Variants in DDX60 observed in about 807,000 individuals in gnomAD.
DDX60 encodes the protein DExD/H-box helicase 60.
Under a neutral mutation model 212.8 loss-of-function variants are expected in DDX60, and 165 were observed. The ratio of observed to expected loss-of-function variants is 0.78; its 90% CI spans 0.68 to 0.88. The LOEUF is 0.88. Among genes scored for constraint, DDX60 ranks in the 40% least tolerant of loss-of-function variants. DDX60 has a pLI of 0.00. For missense variants in DDX60, 1,905 were observed against 2,003.9 expected (o/e 0.95, Z 0.94); for synonymous variants, 703 against 685.3 (o/e 1.03, Z -0.40).
chr4:168,246,557 A>G lies in DDX60; in HGVS notation c.4025T>C (p.Ile1342Thr). Residue 1342 changes from isoleucine (I) to threonine (T), a missense_variant, in exon 30 of 38, where the codon ATT (isoleucine) becomes ACT (threonine). Physicochemically the swap from Ile to Thr is moderately conservative, Grantham distance 89 (BLOSUM62 -1). Coordinates refer to ENST00000393743, the MANE Select transcript of DDX60 (RefSeq NM_017631.6). The part of the protein sequence containing the change: ...DLMGDVYFFD[I>T]PFPKIGKLIK... ...GAGTTTTCCTATTTTGGGGAATGGA[A>G]TATCAAAGAAATATACATCTCCCAT... is the stretch of plus-strand genomic sequence containing the variant. 1 of 1,614,098 alleles carries G rather than the reference A, an allele frequency of 6.2e-7. No individual in the cohort carries two copies. The highest frequency in any genetic ancestry group is 8.5e-7 in the Non-Finnish European group (1 of 1,179,982).
chr4:168,286,418 C>A (rs1053577494), intron 10 of DDX60, among the ~76,000 whole-genome samples: 2 of 57,800 alleles, frequency 3.5e-5, no homozygotes, highest in African/African-American at 2.6e-4. Flanking sequence ...ACACACACAC[C>A]ACACGAGATA....
At chr4:168,295,378 A>G (rs778144388) in intron 6 of DDX60, among the ~76,000 whole-genome samples, 2 of 152,214 alleles carry the variant, frequency 1.3e-5, no homozygotes, top group Non-Finnish European at 2.9e-5. Flanking sequence ...GTTTAGGAGT[A>G]TGTTCTTGTA....
In DDX60 at chr4:168,216,683, A is replaced by T; in HGVS notation, c.*250T>A. 1 of 296,750 alleles carries T rather than the reference A, an allele frequency of 3.4e-6. No homozygotes were observed. The allele number at this position is 296,750 out of a possible 1,614,324, so 18.4% of individuals were successfully genotyped here. On this transcript the variant is annotated 3_prime_UTR_variant, in exon 38 of 38. Coordinates refer to ENST00000393743, the MANE Select transcript of DDX60 (RefSeq NM_017631.6). Reference sequence around the variant, plus strand: ...TCAATCCTCAAACTACCTGAGATGTAACCATTATTACTCAGTTATAAAAAG... The same window carrying T: ...TCAATCCTCAAACTACCTGAGATGTTACCATTATTACTCAGTTATAAAAAG...
chr4:168,257,758 A>T (rs927609892), intron 25 of DDX60, among the ~76,000 whole-genome samples: 19 of 152,248 alleles, frequency 1.2e-4, no homozygotes, highest in African/African-American at 3.4e-4. Context: ...TGTTGACTAT[A>T]TTTGGAATTA....
At chr4:168,275,846 A>G (rs1177774648) in intron 15 of DDX60, among the ~76,000 whole-genome samples, 169 bp downstream of exon 15, 2 of 152,078 alleles carry the variant, frequency 1.3e-5, no homozygotes, top group African/African-American at 2.4e-5. Context: ...CATTTGTACA[A>G]ATTTTCTCAT....
chr4:168,237,865 A>C (rs1371428057), intron 30 of DDX60, 70 bp from the exon 31 acceptor site: 8 of 1,152,726 alleles, frequency 6.9e-6, no homozygotes, highest in Non-Finnish European at 7.4e-6. Flanking sequence ...AATGATAATA[A>C]ATGATAGATC....
intron 32 of DDX60, 62 bp from the exon 33 acceptor site, chr4:168,236,435 TA>T (rs1733634461): frequency 2.2e-6 from 3 of 1,395,200 alleles, no homozygotes; most frequent in African/African-American, 3.0e-5. Flanking sequence ...TTTTCATGTT[TA>T]AATGGAATGT....
chr4:168,266,894 A>T (rs1403759690), intron 22 of DDX60, among the ~76,000 whole-genome samples: 1 of 152,176 alleles, frequency 6.6e-6, no homozygotes, highest in East Asian at 1.9e-4. Flanking sequence ...CATCACAACA[A>T]TCTTATGATG....
intron 30 of DDX60, 125 bp from the exon 31 acceptor site, chr4:168,237,920 A>T (rs1049713078): frequency 7.1e-5 from 46 of 647,034 alleles, no homozygotes; most frequent in Non-Finnish European, 1.1e-4. Flanking sequence ...ATCAGAAAAA[A>T]TTTGATTTCA....
intron 24 of DDX60, 146 bp downstream of exon 24, chr4:168,261,854 C>T (rs1734635959): frequency 2.2e-6 from 2 of 928,284 alleles, no homozygotes; most frequent in Admixed American, 7.0e-5. Context: ...TTTATTCTAT[C>T]TCAGAATTAC....
At chr4:168,240,282 T>C (rs1733792960) in intron 30 of DDX60, among the ~76,000 whole-genome samples, 1 of 152,080 alleles carries the variant, frequency 6.6e-6, no homozygotes, top group African/African-American at 2.4e-5. Flanking sequence ...AAGGACCTTT[T>C]CAAGGAGAAC....
chr4:168,286,389 TACACACACACACAC>T (rs71867661), intron 10 of DDX60, among the ~76,000 whole-genome samples: 1 of 133,662 alleles, frequency 7.5e-6, no homozygotes, highest in Non-Finnish European at 1.6e-5. Flanking sequence ...CTTGATTTTA[TACACACACACACAC>T]ACACACACAC....
chr4:168,311,423 C>G, intron 1 of DDX60, 58 bp from the exon 2 acceptor site: 4 of 650,774 alleles, frequency 6.1e-6, no homozygotes, highest in East Asian at 5.5e-5. Context: ...TGAATGACTA[C>G]TATATGTAAA....
intron 1 of DDX60, among the ~76,000 whole-genome samples, chr4:168,312,285 T>C (rs1456683375): frequency 6.6e-6 from 1 of 152,134 alleles, no homozygotes; most frequent in Non-Finnish European, 1.5e-5. Context: ...CCACCTGAAT[T>C]TGACTTGCTT....
intron 6 of DDX60, among the ~76,000 whole-genome samples, 193 bp from the exon 7 acceptor site, chr4:168,294,138 G>A (rs1479232696): frequency 6.6e-6 from 1 of 151,916 alleles, no homozygotes; most frequent in Non-Finnish European, 1.5e-5. Context: ...TTAAAAAAAT[G>A]AAATAATAAA....
chr4:168,312,747 T>TAGATAGATAGATAGATAGATAGAA (rs915120579), intron 1 of DDX60, among the ~76,000 whole-genome samples: 1 of 144,322 alleles, frequency 6.9e-6, no homozygotes, highest in Admixed American at 6.9e-5. Context: ...GATAGATAGA[T>TAGATAGATAGATAGATAGATAGAA]ATGATAGAGA....
At position 168,280,561 on chromosome 4, in the gene DDX60, C is replaced by A. The variant is rs752549462; in HGVS notation, c.1752G>T (p.Glu584Asp). 1.9e-6 allele frequency: 3 copies of A among 1,613,424 alleles called. No homozygotes were observed. Among genetic ancestry groups the A allele is most frequent in the Non-Finnish European group, 1.7e-6 (2 of 1,179,882 alleles). Residue 584 changes from glutamate to aspartate, a missense_variant, in exon 14 of 38, where the codon GAG becomes GAT. Glu to Asp is a conservative substitution (Grantham distance 45). Coordinates refer to ENST00000393743, the MANE Select transcript of DDX60 (RefSeq NM_017631.6). ...HETKAEIIAR[E>D]NKKRLFAREE... Reference sequence around the variant, plus strand: ...CCCTGGCAAATAACCTTTTCTTATTCTCTCTAGCAATTATTTCAGCCTTGG... The same window carrying A: ...CCCTGGCAAATAACCTTTTCTTATTATCTCTAGCAATTATTTCAGCCTTGG...
At chr4:168,228,965 T>C (rs1390179217) in intron 33 of DDX60, among the ~76,000 whole-genome samples, 1 of 152,150 alleles carries the variant, frequency 6.6e-6, no homozygotes, top group Non-Finnish European at 1.5e-5. Context: ...AAAAATATTG[T>C]TCCATTGTCT....
intron 19 of DDX60, among the ~76,000 whole-genome samples, chr4:168,269,556 G>A (rs1008907921): frequency 5.9e-5 from 9 of 151,978 alleles, no homozygotes; most frequent in South Asian, 2.1e-4. Context: ...AGCTGAGATC[G>A]CGCCACTGGG....
Sources: allele counts gnomAD v4.1 joint callset (sites outside exome capture counted in the v4.1 genomes callset), GRCh38; gene constraint gnomAD v4.1.1; transcripts MANE v1.5; gene names NCBI Gene and HGNC (gene_info 2026-07-23, HGNC 2026-07-21).